Variants in ARPP21 observed in about 807,000 individuals in gnomAD.
The protein encoded by ARPP21 is cAMP regulated phosphoprotein 21.
A neutral mutation model predicts 113.2 loss-of-function variants in ARPP21; 69 were observed. The ratio of observed to expected loss-of-function variants is 0.61; its 90% CI spans 0.50 to 0.74. ARPP21 has a LOEUF of 0.74. Ranked by LOEUF, ARPP21 falls within the 30% of genes least tolerant of loss-of-function variation. ARPP21 has a pLI of 0.00. For synonymous variants in ARPP21, 368 were observed against 375.5 expected (o/e 0.98, Z 0.23); for missense variants, 1,070 against 1,037.4 (o/e 1.03, Z -0.43).
At chr3:35,704,541 T>A (rs1041501304) in intron 9 of ARPP21, among the ~76,000 whole-genome samples, 29 of 151,900 alleles carry the variant, frequency 1.9e-4, no homozygotes, top group African/African-American at 6.5e-4. Context: ...ACATTTGTTT[T>A]TGTAACATGT....
chr3:35,663,054 C>T (rs556794348), intron 1 of ARPP21, among the ~76,000 whole-genome samples: 5 of 152,086 alleles, frequency 3.3e-5, no homozygotes, highest in East Asian at 3.9e-4. Context: ...TGTACTCAGG[C>T]GATGGACACC....
intron 19 of ARPP21, among the ~76,000 whole-genome samples, chr3:35,767,173 TA>T (rs2096011013): frequency 6.6e-6 from 1 of 152,168 alleles, no homozygotes; most frequent in Admixed American, 6.6e-5. Flanking sequence ...GTCATTTCAA[TA>T]AATCAAGCTG....
intron 1 of ARPP21, chr3:35,650,299 C>A (rs1031331349): frequency 2.0e-5 from 3 of 152,046 alleles, no homozygotes; most frequent in African/African-American, 7.2e-5. Flanking sequence ...CTCATTTATT[C>A]ATTCTTATTT....
intron 15 of ARPP21, among the ~76,000 whole-genome samples, chr3:35,734,157 A>T (rs1231086874): frequency 6.6e-6 from 1 of 152,154 alleles, no homozygotes; most frequent in Non-Finnish European, 1.5e-5. Flanking sequence ...TTCCAGATGG[A>T]GTCGTATGCC....
intron 11 of ARPP21, among the ~76,000 whole-genome samples, chr3:35,710,220 T>C (rs1293911416): frequency 2.0e-5 from 3 of 151,948 alleles, no homozygotes; most frequent in African/African-American, 7.3e-5. Flanking sequence ...GAGAGGGAGA[T>C]GGAAGTTACC....
At chr3:35,664,894 G>A (rs1709519582) in intron 1 of ARPP21, among the ~76,000 whole-genome samples, 2 of 152,308 alleles carry the variant, frequency 1.3e-5, no homozygotes, top group South Asian at 4.1e-4. Context: ...TCAGGGAGGG[G>A]CTTCAGAGGA....
intron 14 of ARPP21, among the ~76,000 whole-genome samples, chr3:35,725,546 G>A (rs1361856242): frequency 6.6e-6 from 1 of 152,138 alleles, no homozygotes; most frequent in Admixed American, 6.5e-5. Flanking sequence ...GGCAGAACCA[G>A]AATTAAAACC....
chr3:35,734,320 C>T (rs2094198580), intron 15 of ARPP21, among the ~76,000 whole-genome samples: 1 of 152,044 alleles, frequency 6.6e-6, no homozygotes, highest in Admixed American at 6.5e-5. Context: ...AATCATTTTC[C>T]AAATTGCTGA....
chr3:35,745,692 C>T lies in ARPP21; in HGVS notation c.2137+1727C>T, dbSNP rs75985604. ...GCCTCCCCCACTGACTTCTCCATTG[C>T]TTTTTCTCCTCTTCACTAACTTTGT... On this transcript the variant is annotated intron_variant, in intron 19 of 20. Coordinates refer to ENST00000684406, the MANE Select transcript of ARPP21 (RefSeq NM_001385562.1). Among the ~76,000 whole-genome samples, 1,240 of 152,288 alleles carry T rather than the reference C, an allele frequency of 8.1e-3. 137 individuals carry two copies. The East Asian group carries it at 0.22, about 27-fold the overall frequency.
In ARPP21 at chr3:35,708,820, C is replaced by T. The variant is rs1047775792; in HGVS notation, c.796-149C>T. On this transcript the variant is annotated intron_variant, in intron 10 of 20. Coordinates refer to ENST00000684406, the MANE Select transcript of ARPP21 (RefSeq NM_001385562.1). Reference sequence around the variant, plus strand: ...GCACACACATGGTACATGCACCCAACACAGCCTCCTCAGGAAACAGAGAGA... The same window carrying T: ...GCACACACATGGTACATGCACCCAATACAGCCTCCTCAGGAAACAGAGAGA... 5 of 636,126 alleles carry T rather than the reference C, an allele frequency of 7.9e-6. No homozygotes were observed. In the African/African-American group the frequency reaches 9.1e-5, roughly 12 times the overall value. The allele number at this position is 636,126 out of a possible 1,614,324, so 39.4% of individuals were successfully genotyped here. A position where few individuals can be genotyped will look rare whatever the true frequency, so the allele number is the denominator to read the frequency against.
intron 9 of ARPP21, among the ~76,000 whole-genome samples, chr3:35,701,258 G>A (rs1330905063): frequency 6.6e-6 from 1 of 151,474 alleles, no homozygotes; most frequent in East Asian, 2.0e-4. Context: ...TCATATTTTA[G>A]AATATATGTG....
chr3:35,692,572 G>T lies in ARPP21; in HGVS notation c.686+1567G>T, dbSNP rs1290548086. ...TATTAAATGTGATACAGTTTCAACTGGTGGACAGTAGATTTATTTTTAACT... is the reference window on the plus strand; with the variant it reads ...TATTAAATGTGATACAGTTTCAACTTGTGGACAGTAGATTTATTTTTAACT... On this transcript the variant is annotated intron_variant, in intron 9 of 20. Coordinates refer to ENST00000684406, the MANE Select transcript of ARPP21 (RefSeq NM_001385562.1). 2.6e-5 allele frequency among the ~76,000 whole-genome samples: 4 copies of T among 151,666 alleles called. No individual in the cohort carries two copies. In the East Asian group the frequency reaches 7.8e-4, roughly 30 times the overall value.
chr3:35,679,268 C>CT (rs947364066), intron 1 of ARPP21, among the ~76,000 whole-genome samples: 4 of 151,688 alleles, frequency 2.6e-5, no homozygotes, highest in South Asian at 2.1e-4. Flanking sequence ...TTTTCTTCTT[C>CT]TTTTTTTTAA....
chr3:35,728,264 G>C (rs1016201841), intron 14 of ARPP21, among the ~76,000 whole-genome samples: 4 of 140,174 alleles, frequency 2.9e-5, no homozygotes, highest in African/African-American at 1.1e-4. Flanking sequence ...TGTCGCCCAG[G>C]CTGGAGTGCA....
At chr3:35,782,853 G>T (rs2096553789) in intron 19 of ARPP21, among the ~76,000 whole-genome samples, 1 of 151,998 alleles carries the variant, frequency 6.6e-6, no homozygotes, top group Non-Finnish European at 1.5e-5. Flanking sequence ...TCCTTTCTCT[G>T]CCCAGCATGG....
At chr3:35,694,093 A>G (rs976392770) in intron 9 of ARPP21, among the ~76,000 whole-genome samples, 3 of 151,572 alleles carry the variant, frequency 2.0e-5, no homozygotes, top group Admixed American at 1.3e-4. Context: ...TATTGGCTAG[A>G]ATTTATTTCC....
intron 14 of ARPP21, among the ~76,000 whole-genome samples, chr3:35,723,481 T>A (rs1248121103): frequency 3.3e-5 from 5 of 152,198 alleles, no homozygotes; most frequent in Admixed American, 3.3e-4. Flanking sequence ...CTTACTCTAA[T>A]TAATTGCTCT....
chr3:35,772,583 G>A (rs980491337), intron 19 of ARPP21, among the ~76,000 whole-genome samples: 4 of 152,150 alleles, frequency 2.6e-5, no homozygotes, highest in Non-Finnish European at 4.4e-5. Flanking sequence ...AGATGAGTCA[G>A]CATCCTCCTG....
At chr3:35,649,079 G>A (rs1283746111) in intron 1 of ARPP21, among the ~76,000 whole-genome samples, 2 of 152,128 alleles carry the variant, frequency 1.3e-5, no homozygotes, top group Admixed American at 1.3e-4. Flanking sequence ...ATTGTCCTTA[G>A]CAGTTCTTGG....
Sources: gnomAD v4.1 joint callset for allele counts (sites outside exome capture counted in the v4.1 genomes callset) on GRCh38, gnomAD v4.1.1 for gene constraint, MANE v1.5 for transcripts, NCBI Gene and HGNC (gene_info 2026-07-23, HGNC 2026-07-21) for gene names.